MACROD2: variants seen among roughly 807,000 people sequenced by gnomAD.
MACROD2 encodes ADP-ribose glycohydrolase MACROD2.
In MACROD2, 36 loss-of-function variants were observed where a neutral mutation model predicts 70.4. The ratio of observed to expected loss-of-function variants is 0.51; its 90% confidence interval spans 0.39 to 0.68. MACROD2 has a LOEUF of 0.68. MACROD2 is among the 30% of genes least tolerant of loss of function. The pLI, the probability that MACROD2 is intolerant of heterozygous loss-of-function variation, is 0.00. For synonymous variants in MACROD2, 172 were observed against 178.8 expected (o/e 0.96, Z 0.30); for missense variants, 496 against 538.4 (o/e 0.92, Z 0.78).
chr20:15,168,250 C>T (rs573645342), intron 5 of MACROD2, among the ~76,000 whole-genome samples: 17 of 152,184 alleles, frequency 1.1e-4, no homozygotes, highest in African/African-American at 3.1e-4. Flanking sequence ...ACCTTGGAGA[C>T]GGCACTGACT....
At chr20:16,022,200 A>G (rs1306214331) in intron 15 of MACROD2, among the ~76,000 whole-genome samples, 1 of 151,716 alleles carries the variant, frequency 6.6e-6, no homozygotes, top group Non-Finnish European at 1.5e-5. Flanking sequence ...ACAGGCGCCC[A>G]CTACCATACC....
chr20:15,513,191 T>G (rs1325340206), intron 8 of MACROD2, among the ~76,000 whole-genome samples: 9 of 152,210 alleles, frequency 5.9e-5, no homozygotes, highest in Non-Finnish European at 4.4e-5. Context: ...CTTTCAAGCC[T>G]TTTTGTCTAG....
intron 6 of MACROD2, among the ~76,000 whole-genome samples, chr20:15,240,698 C>T (rs1483018995): frequency 6.6e-6 from 1 of 152,142 alleles, no homozygotes; most frequent in Non-Finnish European, 1.5e-5. Flanking sequence ...AAATCTCTAA[C>T]CCCCAATGTG....
chr20:14,355,946 A>G (rs1321598417), intron 3 of MACROD2, among the ~76,000 whole-genome samples: 2 of 152,250 alleles, frequency 1.3e-5, no homozygotes, highest in Middle Eastern at 3.4e-3. Context: ...CCCGATAGAA[A>G]GAGAGGAATG....
intron 5 of MACROD2, among the ~76,000 whole-genome samples, chr20:15,061,305 C>T (rs1008913222): frequency 6.6e-6 from 1 of 152,168 alleles, no homozygotes; most frequent in Non-Finnish European, 1.5e-5. Flanking sequence ...GCAGCAGGAA[C>T]CTTTCACCCA....
At chr20:14,267,231 G>T (rs77617114) in intron 3 of MACROD2, among the ~76,000 whole-genome samples, 1 of 152,180 alleles carries the variant, frequency 6.6e-6, no homozygotes, top group Non-Finnish European at 1.5e-5. Context: ...TCTGTAGTTT[G>T]GTAGATATTC....
chr20:15,499,729 C>G, intron 7 of MACROD2, 45 bp from the exon 8 acceptor site: 1 of 1,590,034 alleles, frequency 6.3e-7, no homozygotes, highest in South Asian at 1.1e-5. Flanking sequence ...TCCCTTTTGC[C>G]TTCATCTTTC....
intron 8 of MACROD2, among the ~76,000 whole-genome samples, chr20:15,657,713 C>G (rs1017317329): frequency 6.6e-6 from 1 of 152,186 alleles, no homozygotes; most frequent in Non-Finnish European, 1.5e-5. Flanking sequence ...TAGCTTCAGG[C>G]TGGGCGTGGT....
chr20:14,956,489 C>CA (rs1418639738), intron 5 of MACROD2, among the ~76,000 whole-genome samples: 2 of 152,030 alleles, frequency 1.3e-5, no homozygotes, highest in Non-Finnish European at 2.9e-5. Context: ...TGTCAGTTGT[C>CA]AGAGTAAATT....
intron 5 of MACROD2, among the ~76,000 whole-genome samples, chr20:14,846,391 T>C (rs985871666): frequency 2.0e-5 from 3 of 151,438 alleles, no homozygotes; most frequent in Admixed American, 2.0e-4. Flanking sequence ...GCCTGGCTAA[T>C]TTTTTGTATT....
In MACROD2 at chr20:14,997,800, C is replaced by T. The variant is rs117050032; in HGVS notation, c.419-232140C>T. 5.4e-4 allele frequency among the ~76,000 whole-genome samples: 82 copies of T among 152,284 alleles called. 1 individual carries two copies. The East Asian group carries it at 0.014, about 26-fold the overall frequency. On this transcript the variant is annotated intron_variant, in intron 5 of 17. Coordinates refer to ENST00000684519, the MANE Select transcript of MACROD2 (RefSeq NM_001351661.2). The stretch of plus-strand genomic sequence containing the variant: ...CATGGGCCCTGGGCAAGTCCCAGTA[C>T]TGTGCTGGCCTCGGGTCTCACCCAG...
intron 5 of MACROD2, among the ~76,000 whole-genome samples, chr20:14,761,828 C>G (rs1004710756): frequency 1.3e-5 from 2 of 152,160 alleles, no homozygotes; most frequent in African/African-American, 4.8e-5. Context: ...GAGCTCCTTA[C>G]TTTGCAATCT....
At chr20:14,805,140 T>C (rs1456294981) in intron 5 of MACROD2, among the ~76,000 whole-genome samples, 3 of 152,008 alleles carry the variant, frequency 2.0e-5, no homozygotes, top group South Asian at 4.1e-4. Context: ...AAGGGAAATA[T>C]GAAATTTCTC....
chr20:14,326,622 G>A lies in MACROD2; in HGVS notation c.272-166857G>A. The A allele has an allele frequency of 6.2e-7, 1 of 1,613,790 alleles. No individual in the cohort carries two copies. The highest frequency in any genetic ancestry group is 8.5e-7 in the Non-Finnish European group (1 of 1,179,832). On this transcript the variant is annotated intron_variant, in intron 3 of 17. Transcript: ENST00000684519. This position sits in a 1 kb window ranked among gnomAD's most constrained non-coding sequence, Gnocchi z 5.5. Reference sequence around the variant, plus strand: ...TGCGAAGAATCAGTTGTGTTATATTGTCCAAATCATCAAAGATACCCTGAG... The same window carrying A: ...TGCGAAGAATCAGTTGTGTTATATTATCCAAATCATCAAAGATACCCTGAG...
At chr20:15,065,067 C>T (rs1226220728) in intron 5 of MACROD2, among the ~76,000 whole-genome samples, 1 of 152,142 alleles carries the variant, frequency 6.6e-6, no homozygotes, top group Non-Finnish European at 1.5e-5. Context: ...CATTTCTATG[C>T]ATGATGACAG....
At chr20:14,015,244 G>A (rs746992133) in intron 2 of MACROD2, among the ~76,000 whole-genome samples, 23 of 152,182 alleles carry the variant, frequency 1.5e-4, no homozygotes, top group Middle Eastern at 3.4e-3. Flanking sequence ...AGTGCTGTGC[G>A]ACAATCACCA....
intron 8 of MACROD2, among the ~76,000 whole-genome samples, chr20:15,749,480 T>C (rs2051235352): frequency 6.6e-6 from 1 of 152,076 alleles, no homozygotes; most frequent in Non-Finnish European, 1.5e-5. Context: ...TTAATGGATA[T>C]GTATTGAATT....
intron 8 of MACROD2, among the ~76,000 whole-genome samples, chr20:15,811,700 A>G (rs1026756202): frequency 6.6e-6 from 1 of 152,110 alleles, no homozygotes; most frequent in African/African-American, 2.4e-5. Flanking sequence ...GGATGGGTGA[A>G]TGGATAAGAT....
intron 6 of MACROD2, among the ~76,000 whole-genome samples, chr20:15,378,786 A>AT: frequency 6.6e-6 from 1 of 152,174 alleles, no homozygotes; most frequent in South Asian, 2.1e-4. Flanking sequence ...AAACATAAGA[A>AT]TTTTTTTTCA....
Sources: allele counts gnomAD v4.1 joint callset (sites outside exome capture counted in the v4.1 genomes callset), GRCh38; gene constraint gnomAD v4.1.1; non-coding constraint Gnocchi (gnomAD v3.1); transcripts MANE v1.5; gene names NCBI Gene and HGNC (gene_info 2026-07-23, HGNC 2026-07-21).